Variants in MYH13 observed in about 807,000 individuals in gnomAD.
MYH13 encodes myosin-13.
Under a neutral mutation model 232.1 loss-of-function variants are expected in MYH13, and 177 were observed. That is an observed-to-expected ratio of 0.76 (90% CI 0.67 to 0.86). The LOEUF is 0.86. Among genes scored for constraint, MYH13 ranks in the 40% least tolerant of loss-of-function variants. The pLI, the probability that MYH13 is intolerant of heterozygous loss-of-function variation, is 0.00. For missense variants in MYH13, 2,246 were observed against 2,405.9 expected, an observed-to-expected ratio of 0.93 and a Z score of 1.39; for synonymous variants, 884 against 923.5, an observed-to-expected ratio of 0.96 and a Z score of 0.78.
Position 10,313,096 on chromosome 17 carries a change from C to G in MYH13, c.4181+62G>C, listed in dbSNP as rs776106284. The G allele has an allele frequency of 6.5e-5, 105 of 1,609,772 alleles. 1 individual carries two copies. The Middle Eastern group carries it at 1.2e-3, about 18-fold the overall frequency. On this transcript the variant is annotated intron_variant, in intron 30 of 40. Coordinates refer to ENST00000252172, the MANE Select transcript of MYH13 (RefSeq NM_003802.3). ...GAAAGAATCTCTCAAGATATGAAGA[C>G]TCCTGGTCCCTTGGCTTGTGTCCTC...
intron 22 of MYH13, among the ~76,000 whole-genome samples, chr17:10,326,981 GTTTTTTTTTTTTTT>G (rs61543278): frequency 0.012 from 645 of 55,822 alleles, 123 homozygotes; most frequent in African/African-American, 0.045. Flanking sequence ...ATGCCTACTA[GTTTTTTTTTTTTTT>G]TTTTTTTTTT....
chr17:10,364,359 C>A lies in MYH13; in HGVS notation c.172G>T (p.Asp58Tyr). ...TCGAGGGTCTTGACTATGACTTTGT[C>A]ATTTTCCCTAGTCTGGATCATGCCT... Reference protein sequence around the residue: ...VKGMIQTRENDKVIVKTLDDR... With the variant: ...VKGMIQTRENYKVIVKTLDDR... The change falls in exon 3 of 41, where the codon GAC (aspartate) becomes TAC (tyrosine). Residue 58 changes from aspartate to tyrosine, a missense_variant. Transcript: ENST00000252172. 1 of 1,613,924 alleles carries A rather than the reference C, an allele frequency of 6.2e-7. No individual in the cohort carries two copies. Among genetic ancestry groups the A allele is most frequent in the Non-Finnish European group, 8.5e-7 (1 of 1,179,854 alleles).
At chr17:10,312,479 C>T in intron 31 of MYH13, 95 bp downstream of exon 31, 1 of 1,403,578 alleles carries the variant, frequency 7.1e-7, no homozygotes, top group Non-Finnish European at 9.6e-7. Flanking sequence ...AACATTTGTC[C>T]CTTTTCCAAA....
At chr17:10,357,911 T>C in intron 7 of MYH13, 84 bp from the exon 8 acceptor site, 1 of 1,258,002 alleles carries the variant, frequency 7.9e-7, no homozygotes. Context: ...GTGGGTACTC[T>C]GGGCAGGTTC....
At chr17:10,323,487 C>T (rs1003696546) in intron 23 of MYH13, among the ~76,000 whole-genome samples, 6 of 151,652 alleles carry the variant, frequency 4.0e-5, no homozygotes, top group East Asian at 1.9e-4. Flanking sequence ...CCTATGGGGC[C>T]GGGCTCACAC....
In MYH13 at chr17:10,321,567, T is replaced by G; in HGVS notation, c.3076A>C (p.Lys1026Gln). Residue 1026 changes from lysine to glutamine, a missense_variant, in exon 24 of 41, where the codon AAA becomes CAA. By Grantham distance (53) the Lys-to-Gln change is moderately conservative. Coordinates refer to ENST00000252172, the MANE Select transcript of MYH13 (RefSeq NM_003802.3). ...VEEDKVNGLI[K>Q]INAKLEQQTD... ...TGCTGTTCAAGCTTGGCATTTATTT[T>G]GATTAGACCATTGACTTTATCTTCT... The G allele has an allele frequency of 6.2e-7, 1 of 1,613,744 alleles. No homozygotes were observed. Among genetic ancestry groups the G allele is most frequent in the Non-Finnish European group, 8.5e-7 (1 of 1,179,824 alleles).
chr17:10,372,259 C>T (rs952780431), intron 1 of MYH13, among the ~76,000 whole-genome samples: 7 of 152,138 alleles, frequency 4.6e-5, no homozygotes, highest in Non-Finnish European at 1.0e-4. Flanking sequence ...TGTTAAGTAG[C>T]TGGTATGATT....
At chr17:10,327,720 G>T (rs1907261375) in intron 22 of MYH13, 146 bp downstream of exon 22, 3 of 982,830 alleles carry the variant, frequency 3.1e-6, no homozygotes, top group South Asian at 3.8e-5. Context: ...ATCCTTTTAC[G>T]AGCAAGGTGG....
chr17:10,366,315 C>T (rs2071836399), intron 2 of MYH13, among the ~76,000 whole-genome samples: 1 of 151,354 alleles, frequency 6.6e-6, no homozygotes, highest in Admixed American at 6.6e-5. Context: ...AAAATGGAGT[C>T]AAGTCATACA....
chr17:10,333,063 AG>A lies in MYH13; in HGVS notation c.2174+10del. On this transcript the variant is annotated intron_variant, in intron 19 of 40. Coordinates refer to ENST00000252172, the MANE Select transcript of MYH13 (RefSeq NM_003802.3). ...GGAAGGAGAGAGATGCACAGGAGAG[AG>A]GGAACCTACCGCTGCTTGAAGTCAG... 6.5e-7 allele frequency: 1 copy of A among 1,530,328 alleles called. No individual in the cohort carries two copies. The highest frequency in any genetic ancestry group is 1.2e-5 in the South Asian group (1 of 83,686). The allele number at this position is 1,530,328 out of a possible 1,614,324, so 94.8% of individuals were successfully genotyped here. A position where few individuals can be genotyped will look rare whatever the true frequency, so the allele number is the denominator to read the frequency against.
intron 35 of MYH13, among the ~76,000 whole-genome samples, chr17:10,308,798 T>G (rs1280940604): frequency 6.6e-6 from 1 of 152,154 alleles, no homozygotes. Context: ...CATAGTTCAT[T>G]GCAGCTTCAA....
rs1479706525 is a variant in MYH13 at position 10,333,120 on chromosome 17, T to G, written c.2128A>C (p.Arg710=). The change falls in exon 19 of 41, where the codon AGG becomes CGG. Residue 710 remains arginine, a synonymous_variant. Coordinates refer to ENST00000252172, the MANE Select transcript of MYH13 (RefSeq NM_003802.3). The stretch of plus-strand genomic sequence containing the variant: ...AGGATCCGGCTGGGGAATCCCTTCC[T>G]GCAAATCCGGATGCCCTCGAGGACC... The part of the protein sequence containing the change: ...NGVLEGIRIC[R]KGFPSRILYA... 2 of 1,551,696 alleles carry G rather than the reference T, an allele frequency of 1.3e-6. No homozygotes were observed. The highest frequency in any genetic ancestry group is 1.4e-5 in the African/African-American group (1 of 73,058).
chr17:10,340,225 T>G lies in MYH13; in HGVS notation c.1981A>C (p.Lys661Gln). The change falls in exon 18 of 41, where the codon AAA becomes CAA. Residue 661 changes from lysine (K) to glutamine (Q), a missense_variant. Coordinates refer to ENST00000252172, the MANE Select transcript of MYH13 (RefSeq NM_003802.3). The part of the protein sequence containing the change: ...VSAVFRENLN[K>Q]LMTNLRSTHP... ...GTGCTCCTTAAGTTAGTCATCAATTTGTTTAAATTTTCCTGGGACATAAAC... is the reference window on the plus strand; with the variant it reads ...GTGCTCCTTAAGTTAGTCATCAATTGGTTTAAATTTTCCTGGGACATAAAC... 1 of 1,614,052 alleles carries G rather than the reference T, an allele frequency of 6.2e-7. No individual in the cohort carries two copies. Among genetic ancestry groups the G allele is most frequent in the Non-Finnish European group, 8.5e-7 (1 of 1,179,916 alleles).
At chr17:10,322,630 GTTTT>G (rs769352001) in intron 23 of MYH13, among the ~76,000 whole-genome samples, 113 of 107,582 alleles carry the variant, frequency 1.1e-3, no homozygotes, top group African/African-American at 2.6e-3. Flanking sequence ...TGTTACAGTT[GTTTT>G]TTTTTTTTTT....
At chr17:10,335,198 C>T (rs568459674) in intron 18 of MYH13, among the ~76,000 whole-genome samples, 3 of 152,248 alleles carry the variant, frequency 2.0e-5, no homozygotes, top group East Asian at 3.9e-4. Context: ...CAGGTCGCAG[C>T]CAAAACTGTT....
intron 39 of MYH13, among the ~76,000 whole-genome samples, chr17:10,302,904 G>C (rs988911513): frequency 6.6e-6 from 1 of 151,810 alleles, no homozygotes; most frequent in Non-Finnish European, 1.5e-5. Context: ...AACGCCAGCA[G>C]AGTAGGCTAA....
At position 10,315,676 on chromosome 17, in the gene MYH13, T is replaced by C; in HGVS notation, c.3984+17A>G. 7 of 1,609,512 alleles carry C rather than the reference T, an allele frequency of 4.3e-6. No homozygotes were observed. The highest frequency in any genetic ancestry group is 5.9e-6 in the Non-Finnish European group (7 of 1,176,968). On this transcript the variant is annotated intron_variant, in intron 29 of 40. Transcript: ENST00000252172. The stretch of plus-strand genomic sequence containing the variant: ...ATAGCCTGGCTTCTCAGGTTCAATC[T>C]GACTCTATATCTTTACCTTGGTTTC...
chr17:10,319,804 G>A (rs368100535), intron 26 of MYH13, among the ~76,000 whole-genome samples: 1 of 152,142 alleles, frequency 6.6e-6, no homozygotes, highest in Non-Finnish European at 1.5e-5. Context: ...TCTTAAATGT[G>A]TACAAAAACA....
chr17:10,308,540 A>T (rs1290120784), intron 35 of MYH13, among the ~76,000 whole-genome samples: 1 of 146,936 alleles, frequency 6.8e-6, no homozygotes, highest in African/African-American at 2.5e-5. Context: ...AATTCCTGGG[A>T]TTAGAGGCAA....
Sources: gnomAD v4.1 joint callset for allele counts (sites outside exome capture counted in the v4.1 genomes callset) on GRCh38, gnomAD v4.1.1 for gene constraint, MANE v1.5 for transcripts, NCBI Gene and HGNC (gene_info 2026-07-23, HGNC 2026-07-21) for gene names.